Variants in CSMD1 observed in about 807,000 individuals in gnomAD.
CSMD1 encodes CUB and Sushi multiple domains 1, also known as CUB and sushi domain-containing protein 1.
CSMD1 carries 213 observed loss-of-function variants against 417.5 expected under a neutral mutation model. That is an observed-to-expected ratio of 0.51 (90% CI 0.46 to 0.57). CSMD1 has a LOEUF of 0.57. Among genes scored for constraint, CSMD1 ranks in the 20% least tolerant of loss-of-function variants. CSMD1 has a pLI of 0.00. For missense variants in CSMD1, 6,923 were observed against 4,529.7 expected, an observed-to-expected ratio of 1.53 and a Z score of -15.17; for synonymous variants, 2,862 against 1,736.8, an observed-to-expected ratio of 1.65 and a Z score of -16.11.
At chr8:3,227,265 G>T (rs1051619683) in intron 27 of CSMD1, among the ~76,000 whole-genome samples, 1 of 152,044 alleles carries the variant, frequency 6.6e-6, no homozygotes, top group Admixed American at 6.6e-5. Flanking sequence ...GCCGGGCTTG[G>T]TGGTGGGCGC....
intron 15 of CSMD1, among the ~76,000 whole-genome samples, chr8:3,404,577 T>A (rs1812235299): frequency 6.6e-6 from 1 of 152,154 alleles, no homozygotes; most frequent in Non-Finnish European, 1.5e-5. Flanking sequence ...TCTCAACTGT[T>A]TATGATATTT....
At chr8:4,367,572 A>G (rs1047897238) in intron 3 of CSMD1, among the ~76,000 whole-genome samples, 1 of 151,974 alleles carries the variant, frequency 6.6e-6, no homozygotes, top group Non-Finnish European at 1.5e-5. Flanking sequence ...AAATTTTAGA[A>G]TGGTTTTTCT....
At chr8:2,970,635 CCT>C (rs1563193148) in intron 57 of CSMD1, among the ~76,000 whole-genome samples, 1 of 152,126 alleles carries the variant, frequency 6.6e-6, no homozygotes, top group Non-Finnish European at 1.5e-5. Context: ...GATCTTTCAG[CCT>C]CTCTGTTTTT....
intron 6 of CSMD1, among the ~76,000 whole-genome samples, chr8:3,749,665 G>C (rs2623723): frequency 0.1 from 15,952 of 152,216 alleles, 871 homozygotes; most frequent in Middle Eastern, 0.13. Flanking sequence ...GGAAAACAAA[G>C]AAGTTTCTCA....
chr8:4,464,652 G>C (rs1055056474), intron 2 of CSMD1, among the ~76,000 whole-genome samples: 1 of 152,156 alleles, frequency 6.6e-6, no homozygotes, highest in African/African-American at 2.4e-5. Flanking sequence ...ACCATGGTAA[G>C]TCAGGGGCCG....
At chr8:4,595,387 C>CTTTTTTTTTTTTTTTCTTTTTTTTTTTTT in intron 2 of CSMD1, among the ~76,000 whole-genome samples, 2 of 147,344 alleles carry the variant, frequency 1.4e-5, no homozygotes, top group African/African-American at 4.9e-5. Flanking sequence ...CATTCATTTT[C>CTTTTTTTTTTTTTTTCTTTTTTTTTTTTT]ATTCCATCCA....
intron 3 of CSMD1, among the ~76,000 whole-genome samples, chr8:4,073,785 T>A (rs778155478): frequency 6.6e-6 from 1 of 152,092 alleles, no homozygotes. Context: ...AATACAAAAT[T>A]TTGCTAAATT....
chr8:3,946,905 A>G (rs893564529), intron 5 of CSMD1, among the ~76,000 whole-genome samples: 2 of 152,180 alleles, frequency 1.3e-5, no homozygotes, highest in Non-Finnish European at 2.9e-5. Context: ...CAAACCATGC[A>G]ACAGTGCCAC....
At chr8:4,201,799 C>T (rs758201829) in intron 3 of CSMD1, among the ~76,000 whole-genome samples, 3 of 150,442 alleles carry the variant, frequency 2.0e-5, no homozygotes, top group Non-Finnish European at 2.9e-5. Context: ...ACCTCCTGCA[C>T]GACTGCTGTT....
intron 1 of CSMD1, among the ~76,000 whole-genome samples, chr8:4,646,162 A>T (rs928706200): frequency 5.3e-5 from 8 of 152,186 alleles, no homozygotes; most frequent in African/African-American, 1.9e-4. Context: ...TTCTTATAGA[A>T]ACATAGCACC....
At chr8:3,922,492 T>C (rs948366511) in intron 5 of CSMD1, among the ~76,000 whole-genome samples, 4 of 152,150 alleles carry the variant, frequency 2.6e-5, no homozygotes, top group Non-Finnish European at 5.9e-5. Flanking sequence ...AATTTGATAA[T>C]TTTTGTATTC....
chr8:3,927,471 C>A (rs987093422), intron 5 of CSMD1, among the ~76,000 whole-genome samples: 4 of 151,824 alleles, frequency 2.6e-5, no homozygotes, highest in African/African-American at 4.8e-5. Context: ...TTGGGACCAC[C>A]CTGGCCAACA....
At chr8:4,267,983 A>G (rs6999771) in intron 3 of CSMD1, among the ~76,000 whole-genome samples, 72,576 of 151,912 alleles carry the variant, frequency 0.48, 18,543 homozygotes, top group African/African-American at 0.66. Flanking sequence ...AGTCAGTACA[A>G]GTGAGATGGT....
intron 3 of CSMD1, among the ~76,000 whole-genome samples, chr8:4,035,235 T>G (rs1314953260): frequency 6.6e-6 from 1 of 152,158 alleles, no homozygotes; most frequent in African/African-American, 2.4e-5. Flanking sequence ...GTGACGCCGG[T>G]GTGAACAAAC....
At chr8:4,865,513 A>G (rs1213906284) in intron 1 of CSMD1, among the ~76,000 whole-genome samples, 2 of 151,844 alleles carry the variant, frequency 1.3e-5, no homozygotes, top group African/African-American at 4.8e-5. Flanking sequence ...ACATGATGCA[A>G]CAATATATTA....
At chr8:3,469,143 C>T (rs1464211813) in intron 11 of CSMD1, 1 of 226,246 alleles carries the variant, frequency 4.4e-6, no homozygotes, top group Non-Finnish European at 8.7e-6. Context: ...AATGTTACAA[C>T]TGGGACAGTC....
At chr8:3,473,382 T>C (rs1047904565) in intron 11 of CSMD1, among the ~76,000 whole-genome samples, 1 of 152,186 alleles carries the variant, frequency 6.6e-6, no homozygotes, top group Non-Finnish European at 1.5e-5. Context: ...ATTATAGTTA[T>C]TTTAAAGCTG....
At chr8:4,104,521 C>G (rs141146428) in intron 3 of CSMD1, among the ~76,000 whole-genome samples, 2 of 152,102 alleles carry the variant, frequency 1.3e-5, no homozygotes, top group African/African-American at 4.8e-5. Flanking sequence ...GCCCCACCCT[C>G]CCACACCCTA....
At chr8:2,984,995 C>T (rs1009851127) in intron 54 of CSMD1, among the ~76,000 whole-genome samples, 8 of 152,144 alleles carry the variant, frequency 5.3e-5, no homozygotes, top group African/African-American at 1.9e-4. Flanking sequence ...TTTAAGTTAA[C>T]AGTTAACTCT....
Sources: gnomAD v4.1 joint callset for allele counts (sites outside exome capture counted in the v4.1 genomes callset) on GRCh38, gnomAD v4.1.1 for gene constraint, MANE v1.5 for transcripts, NCBI Gene and HGNC (gene_info 2026-07-23, HGNC 2026-07-21) for gene names.